Variants in DAB1 observed in about 807,000 individuals in gnomAD.
DAB1 encodes DAB adaptor protein 1.
DAB1 carries 15 observed loss-of-function variants against 64.6 expected under a neutral mutation model. The ratio of observed to expected loss-of-function variants is 0.23; its 90% CI spans 0.16 to 0.36. The LOEUF (loss-of-function observed/expected upper bound fraction) is 0.36, where lower values mean the gene tolerates loss of function less well. Ranked by LOEUF, DAB1 falls within the 10% of genes least tolerant of loss-of-function variation. The probability of loss-of-function intolerance (pLI) is 1.00; values close to 1 mark genes in which losing one functional copy is unlikely to be tolerated. For missense variants in DAB1, 596 were observed against 706.7 expected, an observed-to-expected ratio of 0.84 and a Z score of 1.78; for synonymous variants, 235 against 251.9, an observed-to-expected ratio of 0.93 and a Z score of 0.64.
At chr1:57,635,125 A>T (rs144691151) in intron 7 of DAB1, among the ~76,000 whole-genome samples, 99 of 152,300 alleles carry the variant, frequency 6.5e-4, no homozygotes, top group African/African-American at 2.3e-3. Flanking sequence ...ATCACATGGG[A>T]ATTTGCAGTT....
At chr1:57,243,249 G>A (rs1668623414) in intron 2 of DAB1, among the ~76,000 whole-genome samples, 1 of 152,072 alleles carries the variant, frequency 6.6e-6, no homozygotes, top group African/African-American at 2.4e-5. Flanking sequence ...TGCCTCACTT[G>A]GTGTAATTAT....
chr1:58,365,542 A>G (rs1644208880), intron 3 of DAB1, among the ~76,000 whole-genome samples: 1 of 152,180 alleles, frequency 6.6e-6, no homozygotes, highest in African/African-American at 2.4e-5. Flanking sequence ...GTGATGGGTA[A>G]CACTTGTTTC....
At chr1:58,212,018 C>T (rs1400562621) in intron 4 of DAB1, among the ~76,000 whole-genome samples, 8 of 152,170 alleles carry the variant, frequency 5.3e-5, no homozygotes, top group Non-Finnish European at 1.0e-4. Context: ...ACTCCAAACC[C>T]CTCCCTTCCT....
At chr1:57,853,247 TA>T (rs35904605) in intron 1 of DAB1, among the ~76,000 whole-genome samples, 5,337 of 140,024 alleles carry the variant, frequency 0.038, 118 homozygotes, top group East Asian at 0.13. Flanking sequence ...GGGCTATCTT[TA>T]AAAAAAAAAA....
At chr1:57,723,862 T>G (rs1647178210) in intron 6 of DAB1, among the ~76,000 whole-genome samples, 1 of 152,234 alleles carries the variant, frequency 6.6e-6, no homozygotes, top group Admixed American at 6.5e-5. Flanking sequence ...AAATGGCAGA[T>G]GAGTGAAGCA....
At chr1:58,095,417 CT>C (rs1356765080) in intron 5 of DAB1, among the ~76,000 whole-genome samples, 1 of 152,240 alleles carries the variant, frequency 6.6e-6, no homozygotes, top group Non-Finnish European at 1.5e-5. Flanking sequence ...GGTTAGCTGA[CT>C]ACCCATAGGT....
chr1:57,929,795 A>G (rs563454317), intron 5 of DAB1, among the ~76,000 whole-genome samples: 1 of 151,864 alleles, frequency 6.6e-6, no homozygotes, highest in African/African-American at 2.4e-5. Flanking sequence ...ATAACAACCC[A>G]CTCTCCCAGG....
At position 57,720,387 on chromosome 1, in the gene DAB1, G is replaced by A. The variant is rs1647135988; in HGVS notation, n.552-70722C>T. ...CAGTGAAGGTTGGAATAGAGTTTAT[G>A]TCTTATTGCCTTCAGTACCTGACTC... On this transcript the variant is annotated intron_variant and non_coding_transcript_variant, in intron 6 of 20. Coordinates refer to the DAB1 transcript ENST00000485760. Among the ~76,000 whole-genome samples, 2 of 152,224 alleles carry A rather than the reference G, an allele frequency of 1.3e-5. 1 individual carries two copies. The highest frequency in any genetic ancestry group is 4.1e-4 in the South Asian group (2 of 4,828).
At chr1:57,858,771 A>G (rs1255883284) in intron 1 of DAB1, among the ~76,000 whole-genome samples, 1 of 150,146 alleles carries the variant, frequency 6.7e-6, no homozygotes, top group African/African-American at 2.5e-5. Flanking sequence ...CAGTGAGACA[A>G]TGGCCAAAAG....
At chr1:57,169,887 A>G (rs576280752) in intron 2 of DAB1, among the ~76,000 whole-genome samples, 137 of 152,012 alleles carry the variant, frequency 9.0e-4, no homozygotes, top group African/African-American at 3.2e-3. Context: ...GGCGAGCCCA[A>G]TCTCTCTCCC....
chr1:57,188,056 G>C (rs1663765506), intron 2 of DAB1, among the ~76,000 whole-genome samples: 1 of 152,186 alleles, frequency 6.6e-6, no homozygotes, highest in African/African-American at 2.4e-5. Context: ...ACAAATGCTA[G>C]CTCTAACTTA....
intron 7 of DAB1, among the ~76,000 whole-genome samples, chr1:57,511,475 A>T (rs904003932): frequency 1.3e-5 from 2 of 152,222 alleles, no homozygotes; most frequent in African/African-American, 4.8e-5. Flanking sequence ...CAACTTAATC[A>T]TACCTAAAAT....
At chr1:57,949,089 T>C (rs182329125) in intron 5 of DAB1, among the ~76,000 whole-genome samples, 25 of 152,206 alleles carry the variant, frequency 1.6e-4, no homozygotes, top group Admixed American at 1.4e-3. Flanking sequence ...TCACCATTCT[T>C]AGTGTTACGT....
At chr1:57,142,730 C>A (rs1658735645) in intron 3 of DAB1, among the ~76,000 whole-genome samples, 1 of 152,144 alleles carries the variant, frequency 6.6e-6, no homozygotes, top group South Asian at 2.1e-4. Context: ...GGAGCAGAGG[C>A]CAAATCCTTT....
chr1:57,844,281 C>T (rs552019117), intron 1 of DAB1, among the ~76,000 whole-genome samples: 93 of 152,328 alleles, frequency 6.1e-4, no homozygotes, highest in African/African-American at 1.9e-3. Flanking sequence ...GGTTGCAGGA[C>T]AGCAGCCCTG....
At chr1:57,422,127 C>G (rs1030385990) in intron 1 of DAB1, among the ~76,000 whole-genome samples, 2 of 152,148 alleles carry the variant, frequency 1.3e-5, no homozygotes, top group African/African-American at 4.8e-5. Flanking sequence ...GATAATTAGG[C>G]GGTTCTGAAC....
intron 6 of DAB1, among the ~76,000 whole-genome samples, chr1:57,778,331 T>A (rs1050292636): frequency 1.3e-5 from 2 of 151,880 alleles, no homozygotes; most frequent in African/African-American, 2.4e-5. Context: ...CACTGAACTC[T>A]CATCATTTCC....
intron 3 of DAB1, among the ~76,000 whole-genome samples, chr1:58,404,613 C>G (rs1039816592): frequency 6.6e-6 from 1 of 152,122 alleles, no homozygotes; most frequent in South Asian, 2.1e-4. Flanking sequence ...AAGCCAACCC[C>G]CTTTGACCAA....
intron 4 of DAB1, among the ~76,000 whole-genome samples, chr1:58,311,673 C>A (rs934413387): frequency 6.6e-6 from 1 of 152,140 alleles, no homozygotes; most frequent in African/African-American, 2.4e-5. Flanking sequence ...CCCAACCCCC[C>A]TTTCTTCCTC....
Sources: gnomAD v4.1 joint callset for allele counts (sites outside exome capture counted in the v4.1 genomes callset) on GRCh38, gnomAD v4.1.1 for gene constraint, MANE v1.5 for transcripts, NCBI Gene and HGNC (gene_info 2026-07-23, HGNC 2026-07-21) for gene names.